The following GABBR2 variants were observed in gnomAD, a reference collection of about 807,000 sequenced individuals.
GABBR2 encodes the protein gamma-aminobutyric acid type B receptor subunit 2.
Under a neutral mutation model 105.6 loss-of-function variants are expected in GABBR2, and 23 were observed. The observed-to-expected ratio is 0.22, with a 90% confidence interval of 0.16 to 0.31. The LOEUF is 0.31. GABBR2 is among the 10% of genes least tolerant of loss of function. The pLI is 1.00. For missense variants in GABBR2, 734 were observed against 1,245.5 expected (o/e 0.59, Z 6.18); for synonymous variants, 478 against 499.7 (o/e 0.96, Z 0.58).
chr9:98,288,839 A>C lies in GABBR2; in HGVS notation c.*1745T>G, dbSNP rs1009189066. ...AAATAGGGTGCTTTGAAATGTTGGCATTGGTAAGATTCCTGTGGGCCCTTT... is the reference window on the plus strand; with the variant it reads ...AAATAGGGTGCTTTGAAATGTTGGCCTTGGTAAGATTCCTGTGGGCCCTTT... On this transcript the variant is annotated 3_prime_UTR_variant, in exon 19 of 19. Coordinates refer to ENST00000259455, the MANE Select transcript of GABBR2 (RefSeq NM_005458.8). 6.6e-6 allele frequency: 1 copy of C among 152,606 alleles called. No homozygotes were observed. Among genetic ancestry groups the C allele is most frequent in the Non-Finnish European group, 1.5e-5 (1 of 68,040 alleles). The allele number at this position is 152,606 out of a possible 1,614,324, so 9.5% of individuals were successfully genotyped here.
At chr9:98,505,363 T>C (rs1332392161) in intron 3 of GABBR2, among the ~76,000 whole-genome samples, 2 of 152,088 alleles carry the variant, frequency 1.3e-5, no homozygotes, top group African/African-American at 4.8e-5. Flanking sequence ...TTAGATCTGC[T>C]GCACAAGGGG....
At chr9:98,408,183 C>G (rs1389724436) in intron 7 of GABBR2, among the ~76,000 whole-genome samples, 1 of 152,174 alleles carries the variant, frequency 6.6e-6, no homozygotes, top group Non-Finnish European at 1.5e-5. Context: ...TTTCAACTCT[C>G]AGGTGATTTC....
chr9:98,325,024 G>A (rs1564017639), intron 13 of GABBR2, among the ~76,000 whole-genome samples: 1 of 152,124 alleles, frequency 6.6e-6, no homozygotes, highest in Admixed American at 6.5e-5. Flanking sequence ...GGCTTGAAGA[G>A]ACTCAAGTGT....
chr9:98,388,596 C>T lies in GABBR2; in HGVS notation c.1529+258G>A, dbSNP rs538483943. 7.3e-5 allele frequency among the ~76,000 whole-genome samples: 11 copies of T among 151,410 alleles called. No individual in the cohort carries two copies. The East Asian group carries it at 2.0e-3, about 27-fold the overall frequency. ...TCCTCAAACTTATTTGACTAAACTC[C>T]TGTGCAACCAGCAGCCTGGCCTCTG... On this transcript the variant is annotated intron_variant, in intron 10 of 18. Coordinates refer to ENST00000259455, the MANE Select transcript of GABBR2 (RefSeq NM_005458.8). This position sits in a 1 kb window ranked among gnomAD's most constrained non-coding sequence, Gnocchi z 4.4.
chr9:98,505,457 T>TGTGC (rs57918974), intron 3 of GABBR2, among the ~76,000 whole-genome samples: 5 of 149,300 alleles, frequency 3.3e-5, no homozygotes, highest in African/African-American at 1.2e-4. Context: ...TGTGTGTGTG[T>TGTGC]GCATGTGCGT....
At chr9:98,373,925 A>G (rs1284015354) in intron 11 of GABBR2, among the ~76,000 whole-genome samples, 1 of 139,840 alleles carries the variant, frequency 7.2e-6, no homozygotes, top group East Asian at 2.1e-4. Flanking sequence ...TGGTACAATC[A>G]CAGCTCATTT....
intron 1 of GABBR2, among the ~76,000 whole-genome samples, chr9:98,698,635 G>A (rs1290744480): frequency 6.6e-6 from 1 of 152,072 alleles, no homozygotes; most frequent in Non-Finnish European, 1.5e-5. Flanking sequence ...GAGTAGCTGG[G>A]ATTACAGGTG....
intron 13 of GABBR2, among the ~76,000 whole-genome samples, chr9:98,315,058 TG>T (rs1464326123): frequency 2.6e-5 from 4 of 152,230 alleles, no homozygotes; most frequent in African/African-American, 9.6e-5. Context: ...CCCCCTGTGC[TG>T]CTGACATTCC....
chr9:98,383,302 A>G (rs1832011880), intron 11 of GABBR2, among the ~76,000 whole-genome samples: 1 of 152,296 alleles, frequency 6.6e-6, no homozygotes, highest in African/African-American at 2.4e-5. Flanking sequence ...GACTTTTGAG[A>G]AGCTCAGCTT....
intron 1 of GABBR2, among the ~76,000 whole-genome samples, chr9:98,687,800 C>T (rs948609240): frequency 3.3e-5 from 5 of 152,164 alleles, no homozygotes; most frequent in African/African-American, 1.2e-4. Flanking sequence ...GACCACCTAC[C>T]AATGCCCAAC....
At chr9:98,590,937 C>T (rs117455238) in intron 1 of GABBR2, among the ~76,000 whole-genome samples, 1,829 of 152,238 alleles carry the variant, frequency 0.012, 14 homozygotes, top group Non-Finnish European at 0.019. Flanking sequence ...ATCCCATAAA[C>T]GCACCCTGGG....
intron 1 of GABBR2, among the ~76,000 whole-genome samples, chr9:98,629,601 T>C (rs577636717): frequency 1.3e-5 from 2 of 152,352 alleles, no homozygotes; most frequent in South Asian, 2.1e-4. Context: ...TTAGATAGAC[T>C]TGATTTTCAT....
chr9:98,464,328 G>A (rs1464600350), intron 6 of GABBR2, among the ~76,000 whole-genome samples: 31 of 140,540 alleles, frequency 2.2e-4, no homozygotes, highest in African/African-American at 7.9e-4. Flanking sequence ...CAGCTGCCCC[G>A]AATGGGAAGT....
intron 12 of GABBR2, among the ~76,000 whole-genome samples, chr9:98,365,022 A>C (rs756548458): frequency 3.3e-5 from 5 of 152,100 alleles, no homozygotes; most frequent in Non-Finnish European, 2.9e-5. Context: ...TGCATTTCTC[A>C]TTTGTAAAAT....
rs1564026872 is a variant in GABBR2 at position 98,349,344 on chromosome 9, G to GTTTTTTTTTTTTT, written c.1893+13370_1893+13371insAAAAAAAAAAAAA. Among the ~76,000 whole-genome samples, 10 of 105,484 alleles carry GTTTTTTTTTTTTT rather than the reference G, an allele frequency of 9.5e-5. 4 individuals carry two copies. The highest frequency in any genetic ancestry group is 1.2e-4 in the African/African-American group (3 of 24,934). 69.2% of individuals were successfully genotyped at this position (105,484 alleles called of 152,430 possible). ...TTTGGTTTGCCAATATTTTGTTGAA[G>GTTTTTTTTTTTTT]TTTTGTTTTTTTTTTTTTTTTTTTT... On this transcript the variant is annotated intron_variant, in intron 13 of 18. Transcript: ENST00000259455.
At chr9:98,489,257 G>T (rs1827124294) in intron 4 of GABBR2, among the ~76,000 whole-genome samples, 2 of 152,220 alleles carry the variant, frequency 1.3e-5, no homozygotes, top group Admixed American at 6.5e-5. Flanking sequence ...GTGCTTAAAA[G>T]TGTCCTCCTT....
chr9:98,439,912 C>T (rs929095143), intron 7 of GABBR2, among the ~76,000 whole-genome samples: 3 of 152,094 alleles, frequency 2.0e-5, no homozygotes, highest in Admixed American at 6.5e-5. Context: ...AGGTAGGCCC[C>T]GTTGTTATCT....
At chr9:98,685,011 T>C (rs1830602429) in intron 1 of GABBR2, among the ~76,000 whole-genome samples, 1 of 152,226 alleles carries the variant, frequency 6.6e-6, no homozygotes, top group South Asian at 2.1e-4. Flanking sequence ...TGTGAGGGTG[T>C]TGCCAAAGGA....
At chr9:98,702,766 C>T (rs759547752) in intron 1 of GABBR2, among the ~76,000 whole-genome samples, 4 of 152,220 alleles carry the variant, frequency 2.6e-5, no homozygotes, top group Non-Finnish European at 4.4e-5. Flanking sequence ...GGAGGTCTCT[C>T]TGGTCCTATA....
Sources: allele counts gnomAD v4.1 joint callset (sites outside exome capture counted in the v4.1 genomes callset), GRCh38; gene constraint gnomAD v4.1.1; non-coding constraint Gnocchi (gnomAD v3.1); transcripts MANE v1.5; gene names NCBI Gene and HGNC (gene_info 2026-07-23, HGNC 2026-07-21).